Variants in MYO5B observed in about 807,000 individuals in gnomAD.
The protein encoded by MYO5B is unconventional myosin-Vb.
A neutral mutation model predicts 229.3 loss-of-function variants in MYO5B; 143 were observed. The ratio of observed to expected loss-of-function variants is 0.62; its 90% CI spans 0.54 to 0.72. The LOEUF (loss-of-function observed/expected upper bound fraction) is 0.72. Ranked by LOEUF, MYO5B falls within the 30% of genes least tolerant of loss-of-function variation. The probability of loss-of-function intolerance (pLI) is 0.00; values close to 1 mark genes in which losing one functional copy is unlikely to be tolerated. For missense variants in MYO5B, 2,321 were observed against 2,331.0 expected, an observed-to-expected ratio of 1.00 and a Z score of 0.09; for synonymous variants, 918 against 885.2, an observed-to-expected ratio of 1.04 and a Z score of -0.66.
At chr18:50,138,888 G>A (rs2032376187) in intron 1 of MYO5B, among the ~76,000 whole-genome samples, 1 of 152,202 alleles carries the variant, frequency 6.6e-6, no homozygotes, top group African/African-American at 2.4e-5. Context: ...AGAGCCCAGG[G>A]TGTTGGGGCC....
intron 1 of MYO5B, among the ~76,000 whole-genome samples, chr18:50,116,371 C>T (rs938772987): frequency 6.6e-6 from 1 of 152,156 alleles, no homozygotes; most frequent in South Asian, 2.1e-4. Context: ...AAATGAACAC[C>T]TGGGAAGCAG....
chr18:50,184,943 G>A (rs1267151603), intron 1 of MYO5B, among the ~76,000 whole-genome samples: 1 of 150,680 alleles, frequency 6.6e-6, no homozygotes, highest in Non-Finnish European at 1.5e-5. Context: ...TGGGCATGGT[G>A]TCGCATGCCT....
At position 49,953,474 on chromosome 18, in the gene MYO5B, C is replaced by G. The variant is rs529968207; in HGVS notation, c.1669-131G>C. ...GATAGGAAACCCACAGATGTTTCCA[C>G]TTAAAATGCAAACCCAATAAATGGT... On this transcript the variant is annotated intron_variant, in intron 13 of 39. Coordinates refer to ENST00000285039, the MANE Select transcript of MYO5B (RefSeq NM_001080467.3). The G allele has an allele frequency of 8.4e-5, 64 of 762,370 alleles. No individual in the cohort carries two copies. In the Middle Eastern group the frequency reaches 1.1e-3, roughly 13 times the overall value. The allele number at this position is 762,370 out of a possible 1,614,324, so 47.2% of individuals were successfully genotyped here.
intron 1 of MYO5B, among the ~76,000 whole-genome samples, chr18:50,177,298 C>T (rs980925533): frequency 2.4e-4 from 36 of 152,062 alleles, no homozygotes; most frequent in Admixed American, 2.2e-3. Context: ...TGAATATTAC[C>T]GTGTTATTAT....
At chr18:50,109,591 AT>A (rs545291896) in intron 1 of MYO5B, among the ~76,000 whole-genome samples, 1 of 151,468 alleles carries the variant, frequency 6.6e-6, no homozygotes, top group Admixed American at 6.6e-5. Context: ...TGCTTGGCTA[AT>A]TTTTTTTGTA....
At chr18:49,986,894 T>G (rs2025876088) in intron 7 of MYO5B, among the ~76,000 whole-genome samples, 1 of 152,180 alleles carries the variant, frequency 6.6e-6, no homozygotes, top group Non-Finnish European at 1.5e-5. Context: ...TTCCATTACT[T>G]GATTACCCTA....
chr18:50,070,628 T>C (rs2030934042), intron 1 of MYO5B, among the ~76,000 whole-genome samples: 1 of 152,024 alleles, frequency 6.6e-6, no homozygotes, highest in African/African-American at 2.4e-5. Flanking sequence ...AGAAATTCTG[T>C]TCTAGAATCA....
chr18:49,977,528 C>T (rs1431514437), intron 9 of MYO5B, among the ~76,000 whole-genome samples: 1 of 152,140 alleles, frequency 6.6e-6, no homozygotes, highest in South Asian at 2.1e-4. Flanking sequence ...TTCTCAAGCA[C>T]ACATTCTGTG....
chr18:49,920,719 G>T (rs1053881033), intron 17 of MYO5B, among the ~76,000 whole-genome samples: 11 of 152,130 alleles, frequency 7.2e-5, no homozygotes, highest in African/African-American at 2.7e-4. Flanking sequence ...ATGCCTTCAG[G>T]GTAATGATTT....
intron 14 of MYO5B, 141 bp from the exon 15 acceptor site, chr18:49,937,538 G>A: frequency 3.0e-6 from 3 of 994,878 alleles, no homozygotes; most frequent in Admixed American, 4.2e-5. Flanking sequence ...CTGCACAGCA[G>A]CGTTACTCCC....
chr18:50,021,495 G>A (rs984807776), intron 4 of MYO5B, among the ~76,000 whole-genome samples: 8 of 152,226 alleles, frequency 5.3e-5, no homozygotes, highest in East Asian at 1.9e-4. Context: ...CTGGAGTTAC[G>A]GCAAGAGCCA....
chr18:49,907,604 T>C (rs1455994325), intron 18 of MYO5B, among the ~76,000 whole-genome samples: 1 of 152,182 alleles, frequency 6.6e-6, no homozygotes, highest in African/African-American at 2.4e-5. Flanking sequence ...ATGAGCCAAG[T>C]CCAAGGAAAA....
intron 8 of MYO5B, among the ~76,000 whole-genome samples, chr18:49,984,129 C>G (rs974487033): frequency 6.6e-6 from 1 of 152,198 alleles, no homozygotes; most frequent in Non-Finnish European, 1.5e-5. Flanking sequence ...GCTTCTCCCC[C>G]AAAAGTGGCA....
intron 1 of MYO5B, among the ~76,000 whole-genome samples, chr18:50,141,713 C>T (rs1056696208): frequency 4.6e-5 from 7 of 152,192 alleles, no homozygotes; most frequent in Non-Finnish European, 7.3e-5. Context: ...AAAGGCAAGA[C>T]CCCTTTGTGG....
intron 2 of MYO5B, 43 bp downstream of exon 2, chr18:50,055,225 G>GGGCCCCCCCCCCC: frequency 1.4e-5 from 10 of 700,372 alleles, no homozygotes; most frequent in East Asian, 5.3e-5. Context: ...TGAGCTCCCT[G>GGGCCCCCCCCCCC]CCCCACCTCA....
At chr18:49,919,744 T>C (rs1014169638) in intron 17 of MYO5B, among the ~76,000 whole-genome samples, 1 of 152,204 alleles carries the variant, frequency 6.6e-6, no homozygotes, top group Non-Finnish European at 1.5e-5. Flanking sequence ...ATGGTACAGC[T>C]ACTGTGGAAA....
intron 5 of MYO5B, among the ~76,000 whole-genome samples, chr18:49,999,763 C>A (rs979186109): frequency 6.6e-6 from 1 of 152,172 alleles, no homozygotes; most frequent in Non-Finnish European, 1.5e-5. Context: ...TAGGAACTTG[C>A]GAGAAATGCA....
intron 2 of MYO5B, among the ~76,000 whole-genome samples, chr18:50,047,902 A>T (rs932612379): frequency 6.6e-5 from 9 of 136,768 alleles, no homozygotes; most frequent in Non-Finnish European, 1.2e-4. Context: ...GAACACTTGG[A>T]CACAGGAAGG....
At chr18:50,019,805 T>C (rs1420012566) in intron 4 of MYO5B, among the ~76,000 whole-genome samples, 1 of 152,220 alleles carries the variant, frequency 6.6e-6, no homozygotes, top group African/African-American at 2.4e-5. Flanking sequence ...AAATTTCGTC[T>C]GCTTTAAAAT....
Sources: allele counts gnomAD v4.1 joint callset (sites outside exome capture counted in the v4.1 genomes callset), GRCh38; gene constraint gnomAD v4.1.1; transcripts MANE v1.5; gene names NCBI Gene and HGNC (gene_info 2026-07-23, HGNC 2026-07-21).